CTSE: variants seen among roughly 807,000 people sequenced by gnomAD.
The protein encoded by CTSE is cathepsin E.
A neutral mutation model predicts 42.8 loss-of-function variants in CTSE; 43 were observed. That is an observed-to-expected ratio of 1.01 (90% CI 0.79 to 1.30). CTSE has a LOEUF of 1.30. Ranked by LOEUF, CTSE falls within the 50% of genes most tolerant of loss-of-function variation. The pLI is 0.00. For missense variants in CTSE, 532 were observed against 493.5 expected (o/e 1.08, Z -0.74); for synonymous variants, 205 against 191.5 (o/e 1.07, Z -0.58).
In CTSE at chr1:206,016,037, C is replaced by A. The variant is rs781932432; in HGVS notation, c.556G>T (p.Gly186Cys). The change falls in exon 5 of 9, where the codon GGC (glycine) becomes TGC (cysteine). Residue 186 changes from glycine to cysteine, a missense_variant. By Grantham distance (159) the Gly-to-Cys change is radical. Coordinates refer to ENST00000358184, the MANE Select transcript of CTSE (RefSeq NM_001910.4). ...FVDAEFDGIL[G>C]LGYPSLAVGG... ...ACAGCCAAGGAGGGGTATCCCAGGC[C>A]CAGAATTCCATCAAACTCTGCATCC... is the stretch of plus-strand genomic sequence containing the variant. 2 of 1,613,768 alleles carry A rather than the reference C, an allele frequency of 1.2e-6. No homozygotes were observed. Among genetic ancestry groups the A allele is most frequent in the South Asian group, 2.2e-5 (2 of 91,082 alleles).
intron 4 of CTSE, 121 bp from the exon 5 acceptor site, chr1:206,016,251 A>C (rs1553277730): frequency 9.1e-6 from 8 of 878,960 alleles, no homozygotes. Context: ...ACTTTCCTTG[A>C]CTAAATGAGC....
rs1047209916 is a variant in CTSE, at chr1:206,009,905, T to A, written c.*278A>T. 1 of 430,556 alleles carries A rather than the reference T, an allele frequency of 2.3e-6. No individual in the cohort carries two copies. Among genetic ancestry groups the A allele is most frequent in the South Asian group, 2.9e-5 (1 of 34,348 alleles). 26.7% of individuals were successfully genotyped at this position (430,556 alleles called of 1,614,324 possible). A position where few individuals can be genotyped will look rare whatever the true frequency, so the allele number is the denominator to read the frequency against. On this transcript the variant is annotated 3_prime_UTR_variant, in exon 9 of 9. Transcript: ENST00000358184. ...GATTTTCATAATCAAATGTGAAAAT[T>A]TTTGATTTTCATAATCAAAAATCAA...
chr1:206,018,289 C>A (rs1661316757), intron 4 of CTSE, among the ~76,000 whole-genome samples: 1 of 151,936 alleles, frequency 6.6e-6, no homozygotes, highest in African/African-American at 2.4e-5. Flanking sequence ...TTGGTATGAT[C>A]TTTTTATATA....
chr1:206,013,563 G>A (rs1235892208), intron 6 of CTSE, among the ~76,000 whole-genome samples: 3 of 151,962 alleles, frequency 2.0e-5, no homozygotes, highest in South Asian at 2.1e-4. Flanking sequence ...TTAAAAGCAC[G>A]CCATGTGTAC....
chr1:206,012,700 G>C (rs781970025), intron 6 of CTSE, 51 bp from the exon 7 acceptor site: 10 of 1,595,128 alleles, frequency 6.3e-6, no homozygotes, highest in Non-Finnish European at 8.6e-6. Context: ...CGGCTCCTAG[G>C]AAACTCCCAC....
At chr1:206,023,615 C>T (rs1661516840) in intron 1 of CTSE, 109 bp downstream of exon 1, 2 of 1,034,290 alleles carry the variant, frequency 1.9e-6, no homozygotes, top group East Asian at 2.4e-5. Context: ...CGCAAGCCCT[C>T]AGCTTCTCCT....
chr1:206,009,309 A>T lies in CTSE; in HGVS notation c.*874T>A, dbSNP rs1553276544. 20 of 152,112 alleles carry T rather than the reference A, an allele frequency of 1.3e-4. No homozygotes were observed. 9.4% of individuals were successfully genotyped at this position (152,112 alleles called of 1,614,324 possible). On this transcript the variant is annotated 3_prime_UTR_variant, in exon 9 of 9. Transcript: ENST00000358184. ...TGAATGATTAAAGCCAAGAACTCCA[A>T]ACCCACCCAGCAGTCTTAACATTAC...
chr1:206,023,122 C>G (rs1489335743), intron 1 of CTSE, 65 bp from the exon 2 acceptor site: 31 of 1,487,520 alleles, frequency 2.1e-5, no homozygotes, highest in Non-Finnish European at 2.7e-5. Context: ...CCATTCTCGT[C>G]CCATTTTCTC....
In CTSE at chr1:206,014,925, G is replaced by A. The variant is rs746705117; in HGVS notation, c.662+1006C>T. Among the ~76,000 whole-genome samples the A allele has an allele frequency of 3.9e-5, 6 of 151,960 alleles. 1 individual carries two copies. The highest frequency in any genetic ancestry group is 4.8e-5 in the African/African-American group (2 of 41,400). On this transcript the variant is annotated intron_variant, in intron 5 of 8. Transcript: ENST00000358184. Reference sequence around the variant, plus strand: ...AGGGAAAATCCAGGACCCTCCATGTGGGAGAGGGGAATGAGAGGAATGGGC... The same window carrying A: ...AGGGAAAATCCAGGACCCTCCATGTAGGAGAGGGGAATGAGAGGAATGGGC...
chr1:206,023,640 C>A, intron 1 of CTSE, 84 bp downstream of exon 1: 4 of 1,309,198 alleles, frequency 3.1e-6, no homozygotes, highest in Non-Finnish European at 4.4e-6. Flanking sequence ...TTCACCTCCC[C>A]ATCAGCTTTC....
intron 4 of CTSE, among the ~76,000 whole-genome samples, chr1:206,020,359 C>T (rs1326947485): frequency 3.3e-5 from 5 of 151,994 alleles, no homozygotes. Context: ...TTGATGAAGG[C>T]TGTGCCCTGC....
intron 5 of CTSE, among the ~76,000 whole-genome samples, chr1:206,015,516 T>G (rs1211941459): frequency 6.6e-6 from 1 of 152,148 alleles, no homozygotes; most frequent in African/African-American, 2.4e-5. Flanking sequence ...ATATGCCACA[T>G]TTTGTTTATT....
Position 206,021,075 on chromosome 1 carries a change from C to G in CTSE, c.436G>C (p.Gly146Arg). The change falls in exon 4 of 9, where the codon GGG becomes CGG. Residue 146 changes from glycine (G) to arginine (R), a missense_variant. Physicochemically the swap from Gly to Arg is moderately radical, Grantham distance 125 (BLOSUM62 -2). Transcript: ENST00000358184. ...GAGACTTGGTCGGCTCCAATGATCC[C>G]GGACAAGCTCCCGGTTCCATACTGA... ...SIQYGTGSLSGIIGADQVSVE... is the reference protein window; with the variant it reads ...SIQYGTGSLSRIIGADQVSVE... 6.2e-7 allele frequency: 1 copy of G among 1,612,768 alleles called. No homozygotes were observed. Among genetic ancestry groups the G allele is most frequent in the Non-Finnish European group, 8.5e-7 (1 of 1,178,818 alleles).
chr1:206,012,393 C>T lies in CTSE; in HGVS notation c.941G>A (p.Cys314Tyr), dbSNP rs1553277128. ...ATCCGGCATGACGTTAAGGTTGGCA[C>T]ACTCCACAGCATACTAAAACCCAAT... Reference protein sequence around the residue: ...APVDGEYAVECANLNVMPDVT... With the variant: ...APVDGEYAVEYANLNVMPDVT... Residue 314 changes from cysteine to tyrosine, a missense_variant, in exon 8 of 9, where the codon TGT becomes TAT. Cys to Tyr is a radical substitution (Grantham distance 194). Transcript: ENST00000358184. 6.2e-7 allele frequency: 1 copy of T among 1,613,964 alleles called. No individual in the cohort carries two copies. The highest frequency in any genetic ancestry group is 2.2e-5 in the East Asian group (1 of 44,892).
chr1:206,020,300 G>A (rs972378024), intron 4 of CTSE, among the ~76,000 whole-genome samples: 3 of 151,596 alleles, frequency 2.0e-5, no homozygotes, highest in Non-Finnish European at 4.4e-5. Context: ...TCTGCTTCTG[G>A]CATTCTTTCA....
intron 8 of CTSE, 72 bp downstream of exon 8, chr1:206,012,236 C>G (rs1028838036): frequency 1.6e-6 from 2 of 1,269,952 alleles, no homozygotes; most frequent in Non-Finnish European, 2.3e-6. Flanking sequence ...AAAGTGCAGG[C>G]GATTGAAAAG....
intron 8 of CTSE, among the ~76,000 whole-genome samples, chr1:206,011,339 T>C (rs1661094874): frequency 6.6e-6 from 1 of 151,950 alleles, no homozygotes; most frequent in Admixed American, 6.6e-5. Flanking sequence ...CTGGAGCACA[T>C]CAGTGATTTC....
At chr1:206,012,473 G>A in intron 7 of CTSE, 35 bp downstream of exon 7, 3 of 1,613,824 alleles carry the variant, frequency 1.9e-6, no homozygotes, top group Non-Finnish European at 2.5e-6. Context: ...TGGCTCTCCT[G>A]TCCCCACCAC....
chr1:206,013,657 G>T, intron 6 of CTSE, 115 bp downstream of exon 6: 1 of 1,359,410 alleles, frequency 7.4e-7, no homozygotes, highest in Non-Finnish European at 1.0e-6. Flanking sequence ...TCCAACCACA[G>T]TAAGCTTCTG....
Sources: allele counts gnomAD v4.1 joint callset (sites outside exome capture counted in the v4.1 genomes callset), GRCh38; gene constraint gnomAD v4.1.1; transcripts MANE v1.5; gene names NCBI Gene and HGNC (gene_info 2026-07-23, HGNC 2026-07-21).